Variants in TRMT10A observed in about 807,000 individuals in gnomAD.
TRMT10A encodes tRNA methyltransferase 10 homolog A.
Under a neutral mutation model 40.4 loss-of-function variants are expected in TRMT10A, and 37 were observed. That is an observed-to-expected ratio of 0.92 (90% confidence interval 0.71 to 1.21). The LOEUF is 1.21. Ranked by LOEUF, TRMT10A falls within the 50% of genes most tolerant of loss-of-function variation. The pLI is 0.00. For synonymous variants in TRMT10A, 103 were observed against 134.1 expected (o/e 0.77, Z 1.60); for missense variants, 388 against 404.3 (o/e 0.96, Z 0.35).
chr4:99,556,157 C>T lies in TRMT10A; in HGVS notation c.484G>A (p.Val162Ile). ...KNMDENDKGW[V>I]NWKDIHIKPE... is the part of the protein sequence containing the mutation. The stretch of plus-strand genomic sequence containing the variant: ...TCTGTTTTAATTACCTTCCAGTTGA[C>T]CCATCCTTTGTCATTTTCATCCATG... Residue 162 changes from valine (V) to isoleucine (I), a missense_variant, in exon 5 of 8, where the codon GTC becomes ATC. Physicochemically the swap from Val to Ile is conservative, Grantham distance 29. Transcript: ENST00000394876. 1 of 1,613,536 alleles carries T rather than the reference C, an allele frequency of 6.2e-7. No homozygotes were observed. The highest frequency in any genetic ancestry group is 8.5e-7 in the Non-Finnish European group (1 of 1,179,662).
chr4:99,563,776 G>A, intron 1 of TRMT10A, 137 bp downstream of exon 1: 1 of 503,184 alleles, frequency 2.0e-6, no homozygotes, highest in Non-Finnish European at 3.8e-6. Context: ...GAGCGCCGCA[G>A]GAAACCACTT....
chr4:99,548,973 T>C lies in TRMT10A; in HGVS notation c.*115A>G. 1.7e-6 allele frequency: 2 copies of C among 1,206,106 alleles called. No homozygotes were observed. Among genetic ancestry groups the C allele is most frequent in the Non-Finnish European group, 2.2e-6 (2 of 913,820 alleles). 74.7% of individuals were successfully genotyped at this position (1,206,106 alleles called of 1,614,324 possible). On this transcript the variant is annotated 3_prime_UTR_variant, in exon 8 of 8. Coordinates refer to ENST00000394876, the MANE Select transcript of TRMT10A (RefSeq NM_001134665.3). Reference sequence around the variant, plus strand: ...TATTATTTAGGTCCAAAAAAAAGTTTTTAAAAATCACAACAGAAATAAGAG... The same window carrying C: ...TATTATTTAGGTCCAAAAAAAAGTTCTTAAAAATCACAACAGAAATAAGAG...
At chr4:99,550,441 C>T (rs532748623) in intron 7 of TRMT10A, among the ~76,000 whole-genome samples, 12 of 152,128 alleles carry the variant, frequency 7.9e-5, no homozygotes, top group African/African-American at 1.7e-4. Context: ...CTGTCTGCCT[C>T]GGTCTCTCAA....
At chr4:99,553,162 T>C (rs1286085262) in intron 6 of TRMT10A, among the ~76,000 whole-genome samples, 1 of 152,180 alleles carries the variant, frequency 6.6e-6, no homozygotes, top group Non-Finnish European at 1.5e-5. Context: ...TCTTCAGTCA[T>C]ACTGTACACA....
Position 99,556,222 on chromosome 4 carries a change from T to A in TRMT10A, c.421-2A>T. On this transcript the variant is annotated splice_acceptor_variant, in intron 4 of 7. Coordinates refer to ENST00000394876, the MANE Select transcript of TRMT10A (RefSeq NM_001134665.3). LOFTEE classifies it high-confidence loss of function. ...GCCTCCGTGGCTTGTCAAGTAAAAC[T>A]GATAAAAGATTTGTAAGTATAGAAA... The A allele has an allele frequency of 6.2e-7, 1 of 1,612,256 alleles. No individual in the cohort carries two copies.
In TRMT10A at chr4:99,559,258, C is replaced by T; in HGVS notation, c.81G>A (p.Glu27=). 1 of 1,613,684 alleles carries T rather than the reference C, an allele frequency of 6.2e-7. No homozygotes were observed. The highest frequency in any genetic ancestry group is 1.7e-4 in the Middle Eastern group (1 of 6,060). ...KKQGINEDQE[E]SQKPRLGEGC... ...CTTCACCTAATCTTGGCTTCTGGCTCTCCTCTTGATCTTCATTTATGCCTT... is the reference window on the plus strand; with the variant it reads ...CTTCACCTAATCTTGGCTTCTGGCTTTCCTCTTGATCTTCATTTATGCCTT... The change falls in exon 2 of 8, where the codon GAG becomes GAA. Residue 27 remains glutamate (E), a synonymous_variant. Transcript: ENST00000394876.
intron 6 of TRMT10A, 45 bp downstream of exon 6, chr4:99,553,740 C>A (rs765242700): frequency 6.4e-7 from 1 of 1,553,952 alleles, no homozygotes. Context: ...GGTGATATAT[C>A]AATTTTAAGA....
At chr4:99,557,916 C>G (rs1724230460) in intron 3 of TRMT10A, 133 bp downstream of exon 3, 1 of 823,924 alleles carries the variant, frequency 1.2e-6, no homozygotes, top group Admixed American at 3.5e-5. Flanking sequence ...GCTAATTTAA[C>G]TTAGGGGAAA....
intron 5 of TRMT10A, among the ~76,000 whole-genome samples, chr4:99,555,585 C>T (rs1407349938): frequency 6.6e-6 from 1 of 152,000 alleles, no homozygotes; most frequent in Non-Finnish European, 1.5e-5. Flanking sequence ...ACAGTATACC[C>T]AAAAGTTTAT....
chr4:99,552,891 G>A (rs564450730), intron 6 of TRMT10A, among the ~76,000 whole-genome samples: 8 of 151,976 alleles, frequency 5.3e-5, no homozygotes, highest in South Asian at 2.1e-4. Context: ...TACTTGGTGG[G>A]GGGGGGAGGC....
rs1724246827 is a variant in TRMT10A, at chr4:99,558,204, G to A, written c.193C>T (p.Arg65Ter). The change falls in exon 3 of 8, where the codon CGA (arginine) becomes TGA (stop). Residue 65 changes from arginine (R) to a stop codon, truncating the protein, a stop_gained. Coordinates refer to ENST00000394876, the MANE Select transcript of TRMT10A (RefSeq NM_001134665.3). LOFTEE classifies it high-confidence loss of function. The part of the protein sequence containing the change: ...EEQRELRKQK[R>*]KEKRKRKKLE... Reference sequence around the variant, plus strand: ...TTTTTCCTCTTGCGTTTTTCTTTTCGCTTTTGTCTAAAATTAGTAATTGAA... The same window carrying A: ...TTTTTCCTCTTGCGTTTTTCTTTTCACTTTTGTCTAAAATTAGTAATTGAA... The A allele has an allele frequency of 3.8e-6, 6 of 1,592,260 alleles. No individual in the cohort carries two copies. Among genetic ancestry groups the A allele is most frequent in the Non-Finnish European group, 5.1e-6 (6 of 1,173,040 alleles).
Position 99,549,081 on chromosome 4 carries a change from G to A in TRMT10A, c.*7C>T. 1 of 1,611,496 alleles carries A rather than the reference G, an allele frequency of 6.2e-7. No homozygotes were observed. The highest frequency in any genetic ancestry group is 8.5e-7 in the Non-Finnish European group (1 of 1,177,862). On this transcript the variant is annotated 3_prime_UTR_variant, in exon 8 of 8. Transcript: ENST00000394876. Reference sequence around the variant, plus strand: ...TTTTCCTTAAACTAAAAGGAAACCAGGTAACATTAGTGTGGCAGAGAGTTC... The same window carrying A: ...TTTTCCTTAAACTAAAAGGAAACCAAGTAACATTAGTGTGGCAGAGAGTTC...
chr4:99,561,714 T>C (rs974332935), intron 1 of TRMT10A, among the ~76,000 whole-genome samples: 2 of 152,216 alleles, frequency 1.3e-5, no homozygotes, highest in African/African-American at 4.8e-5. Context: ...CAAAACAGCA[T>C]TTTATTAGGT....
Position 99,558,212 on chromosome 4 carries a change from C to G in TRMT10A, c.186-1G>C, listed in dbSNP as rs763279133. On this transcript the variant is annotated splice_acceptor_variant, in intron 2 of 7. Transcript: ENST00000394876. LOFTEE classifies it high-confidence loss of function. Reference sequence around the variant, plus strand: ...CTTGCGTTTTTCTTTTCGCTTTTGTCTAAAATTAGTAATTGAAATAACATT... The same window carrying G: ...CTTGCGTTTTTCTTTTCGCTTTTGTGTAAAATTAGTAATTGAAATAACATT... 6.3e-7 allele frequency: 1 copy of G among 1,590,320 alleles called. No individual in the cohort carries two copies. Among genetic ancestry groups the G allele is most frequent in the East Asian group, 2.2e-5 (1 of 44,510 alleles).
intron 1 of TRMT10A, among the ~76,000 whole-genome samples, chr4:99,562,532 T>TTTTTTTC (rs1724468231): frequency 7.3e-6 from 1 of 137,000 alleles, no homozygotes; most frequent in African/African-American, 2.8e-5. Flanking sequence ...TTTTTTTTTT[T>TTTTTTTC]TTTTTTTTTT....
At chr4:99,561,233 G>A (rs1278673169) in intron 1 of TRMT10A, among the ~76,000 whole-genome samples, 1 of 152,096 alleles carries the variant, frequency 6.6e-6, no homozygotes, top group Non-Finnish European at 1.5e-5. Flanking sequence ...CTGAAGTGCT[G>A]GGATTACAGG....
Position 99,562,515 on chromosome 4 carries a change from C to CTTCTTTTTTTT in TRMT10A, c.-24+1397_-24+1398insAAAAAAAAGAA, listed in dbSNP as rs1164312241. Among the ~76,000 whole-genome samples the CTTCTTTTTTTT allele has an allele frequency of 3.1e-4, 24 of 76,668 alleles. 2 individuals carry two copies. Among genetic ancestry groups the CTTCTTTTTTTT allele is most frequent in the African/African-American group, 1.2e-3 (21 of 16,832 alleles). The allele number at this position is 76,668 out of a possible 152,430, so 50.3% of individuals were successfully genotyped here. ...CTTGACAGCGATAGCAAAGGAATGCCTTTTTTTTTTTTTTTTTTTTTTTTT... is the reference window on the plus strand; with the variant it reads ...CTTGACAGCGATAGCAAAGGAATGCCTTCTTTTTTTTTTTTTTTTTTTTTTTTTTTTTTTTT... On this transcript the variant is annotated intron_variant, in intron 1 of 7. Coordinates refer to ENST00000394876, the MANE Select transcript of TRMT10A (RefSeq NM_001134665.3).
At chr4:99,563,571 C>G (rs1560606820) in intron 1 of TRMT10A, 1 of 254,794 alleles carries the variant, frequency 3.9e-6, no homozygotes, top group Non-Finnish European at 8.0e-6. Flanking sequence ...TCACATACTA[C>G]GGGCCGATGG....
chr4:99,563,759 T>C (rs1724565625), intron 1 of TRMT10A, 154 bp downstream of exon 1: 1 of 454,534 alleles, frequency 2.2e-6, no homozygotes, highest in Non-Finnish European at 4.2e-6. Flanking sequence ...GTCATTTCCT[T>C]CAGCAAGAGC....
Sources: gnomAD v4.1 joint callset for allele counts (sites outside exome capture counted in the v4.1 genomes callset) on GRCh38, gnomAD v4.1.1 for gene constraint, MANE v1.5 for transcripts, NCBI Gene and HGNC (gene_info 2026-07-23, HGNC 2026-07-21) for gene names.